The following GMDS variants were observed in gnomAD, a reference collection of about 807,000 sequenced individuals.
GMDS encodes GDP-mannose 4,6 dehydratase.
In GMDS, 20 loss-of-function variants were observed where a neutral mutation model predicts 49.9. The observed-to-expected ratio is 0.40, with a 90% CI of 0.28 to 0.58. The LOEUF (loss-of-function observed/expected upper bound fraction) is 0.58, where lower values mean the gene tolerates loss of function less well. Among genes scored for constraint, GMDS ranks in the 20% least tolerant of loss-of-function variants. GMDS has a pLI of 0.42. For missense variants in GMDS, 362 were observed against 481.4 expected, an observed-to-expected ratio of 0.75 and a Z score of 2.32; for synonymous variants, 177 against 178.6, an observed-to-expected ratio of 0.99 and a Z score of 0.07.
At chr6:1,831,107 T>C (rs1023878232) in intron 7 of GMDS, among the ~76,000 whole-genome samples, 1 of 152,250 alleles carries the variant, frequency 6.6e-6, no homozygotes, top group African/African-American at 2.4e-5. Context: ...TTGTAAATTG[T>C]TTCCTGATTG....
chr6:1,842,646 G>A (rs778845487), intron 7 of GMDS, among the ~76,000 whole-genome samples: 10 of 152,080 alleles, frequency 6.6e-5, no homozygotes, highest in Non-Finnish European at 1.3e-4. Flanking sequence ...TCCAAATGTC[G>A]GATTACAGGA....
At chr6:1,815,097 C>G (rs1205255232) in intron 7 of GMDS, among the ~76,000 whole-genome samples, 1 of 152,196 alleles carries the variant, frequency 6.6e-6, no homozygotes, top group South Asian at 2.1e-4. Flanking sequence ...TAATCTCCCA[C>G]GTACATAGTA....
intron 1 of GMDS, among the ~76,000 whole-genome samples, chr6:2,239,682 G>T (rs1000754206): frequency 6.6e-6 from 1 of 151,506 alleles, no homozygotes. Flanking sequence ...TTCCAATAAT[G>T]CCAGACCTTT....
intron 1 of GMDS, among the ~76,000 whole-genome samples, chr6:2,202,568 T>C (rs913616649): frequency 6.6e-6 from 1 of 151,906 alleles, no homozygotes; most frequent in Non-Finnish European, 1.5e-5. Context: ...GACAGGCTGA[T>C]GGAAGAGAAT....
intron 7 of GMDS, among the ~76,000 whole-genome samples, chr6:1,838,735 C>G (rs1055629991): frequency 3.3e-5 from 5 of 152,202 alleles, no homozygotes; most frequent in Non-Finnish European, 5.9e-5. Flanking sequence ...ATGAGTCATT[C>G]TTTGGAACAG....
chr6:2,093,586 G>A (rs1773437831), intron 4 of GMDS, among the ~76,000 whole-genome samples: 1 of 151,848 alleles, frequency 6.6e-6, no homozygotes, highest in Admixed American at 6.6e-5. Context: ...ATAAATATGA[G>A]GTTAAAAATC....
At chr6:1,625,037 C>A (rs1762810458) in intron 9 of GMDS, 1 of 152,266 alleles carries the variant, frequency 6.6e-6, no homozygotes, top group African/African-American at 2.4e-5. Flanking sequence ...GCCACCAGCC[C>A]CGCGGGGAAG....
At chr6:1,955,415 G>C (rs187738340) in intron 6 of GMDS, among the ~76,000 whole-genome samples, 16 of 152,210 alleles carry the variant, frequency 1.1e-4, no homozygotes, top group Admixed American at 8.5e-4. Flanking sequence ...CATAGTAATA[G>C]TTATTCATAA....
chr6:1,733,024 C>T (rs1365367059), intron 8 of GMDS, among the ~76,000 whole-genome samples: 1 of 152,192 alleles, frequency 6.6e-6, no homozygotes, highest in African/African-American at 2.4e-5. Context: ...GAGCTCTGCC[C>T]CAGAGATGGG....
At chr6:2,049,421 T>C (rs1037026967) in intron 4 of GMDS, among the ~76,000 whole-genome samples, 1 of 152,196 alleles carries the variant, frequency 6.6e-6, no homozygotes, top group Admixed American at 6.5e-5. Context: ...ATCAGAAAGA[T>C]TTTTATAATT....
intron 4 of GMDS, among the ~76,000 whole-genome samples, chr6:1,977,295 A>G (rs966203799): frequency 7.9e-5 from 12 of 152,204 alleles, no homozygotes; most frequent in African/African-American, 2.9e-4. Flanking sequence ...TTTGCCAATA[A>G]CCAACAGGCA....
intron 9 of GMDS, among the ~76,000 whole-genome samples, chr6:1,634,146 C>T (rs532339599): frequency 2.6e-5 from 4 of 152,334 alleles, no homozygotes; most frequent in African/African-American, 7.2e-5. Flanking sequence ...CCTAAAAGCA[C>T]CTGGCGACTC....
chr6:2,221,546 G>A (rs11963529), intron 1 of GMDS, among the ~76,000 whole-genome samples: 16,808 of 152,034 alleles, frequency 0.11, 1,029 homozygotes, highest in Middle Eastern at 0.23. Context: ...CCGCCACCAC[G>A]ACCGGCTAAT....
intron 9 of GMDS, among the ~76,000 whole-genome samples, chr6:1,686,436 G>C (rs913535264): frequency 1.3e-5 from 2 of 152,204 alleles, no homozygotes; most frequent in Non-Finnish European, 1.5e-5. Flanking sequence ...AAGCTGATGA[G>C]TGAGTGTCAC....
chr6:1,852,888 T>C (rs184256678), intron 7 of GMDS, among the ~76,000 whole-genome samples: 197 of 151,998 alleles, frequency 1.3e-3, no homozygotes, highest in African/African-American at 4.1e-3. Context: ...GTATTTTTAG[T>C]GGAGATGGTG....
chr6:1,790,502 C>T (rs1005794980), intron 7 of GMDS, among the ~76,000 whole-genome samples: 7 of 152,296 alleles, frequency 4.6e-5, no homozygotes, highest in African/African-American at 1.7e-4. Flanking sequence ...CTCGTAGCTG[C>T]TGTTGGCTTA....
rs1460027260 is a variant in GMDS at position 1,633,145 on chromosome 6, ATTCTT to A, written c.988-8610_988-8606del. Among the ~76,000 whole-genome samples, 3 of 152,180 alleles carry A rather than the reference ATTCTT, an allele frequency of 2.0e-5. No individual in the cohort carries two copies. In the East Asian group the frequency reaches 5.8e-4, roughly 29 times the overall value. On this transcript the variant is annotated intron_variant, in intron 9 of 10. Coordinates refer to ENST00000380815, the MANE Select transcript of GMDS (RefSeq NM_001500.4). ...TTATCACTAAAATGTAGGAAAAACG[ATTCTT>A]TTCATTTCTTGCAGTAACATCATGG...
intron 8 of GMDS, among the ~76,000 whole-genome samples, chr6:1,730,931 C>T (rs1255859342): frequency 1.3e-5 from 2 of 151,724 alleles, no homozygotes; most frequent in South Asian, 2.1e-4. Flanking sequence ...AAAAAAGCAA[C>T]GTGGAGGAAG....
At chr6:1,712,532 C>T (rs4129868) in intron 9 of GMDS, among the ~76,000 whole-genome samples, 23,086 of 152,226 alleles carry the variant, frequency 0.15, 2,145 homozygotes, top group Middle Eastern at 0.28. Context: ...TCCTAACTTG[C>T]TCCCTATAAC....
Sources: gnomAD v4.1 joint callset for allele counts (sites outside exome capture counted in the v4.1 genomes callset) on GRCh38, gnomAD v4.1.1 for gene constraint, MANE v1.5 for transcripts, NCBI Gene and HGNC (gene_info 2026-07-23, HGNC 2026-07-21) for gene names.